Variants in TGFA observed in about 807,000 individuals in gnomAD.
TGFA encodes the protein protransforming growth factor alpha.
In TGFA, 12 loss-of-function variants were observed where a neutral mutation model predicts 21.7. That is an observed-to-expected ratio of 0.55 (90% CI 0.35 to 0.90). The LOEUF (loss-of-function observed/expected upper bound fraction) is 0.90, where lower values mean the gene tolerates loss of function less well. Among genes scored for constraint, TGFA ranks in the 40% least tolerant of loss-of-function variants. The pLI is 0.01. For synonymous variants in TGFA, 79 were observed against 88.1 expected (o/e 0.90, Z 0.58); for missense variants, 178 against 210.8 (o/e 0.84, Z 0.96).
intron 1 of TGFA, among the ~76,000 whole-genome samples, chr2:70,529,858 C>T (rs1012610746): frequency 8.5e-5 from 13 of 152,180 alleles, no homozygotes; most frequent in African/African-American, 3.1e-4. Context: ...GGGGTGAGAT[C>T]ACTGCAGAAG....
At chr2:70,544,290 T>A (rs1405521519) in intron 1 of TGFA, among the ~76,000 whole-genome samples, 1 of 151,592 alleles carries the variant, frequency 6.6e-6, no homozygotes, top group Non-Finnish European at 1.5e-5. Flanking sequence ...TAAGAAGAGA[T>A]TCAAATATTA....
chr2:70,517,814 C>A (rs938018356), intron 1 of TGFA, among the ~76,000 whole-genome samples: 13 of 152,366 alleles, frequency 8.5e-5, no homozygotes, highest in African/African-American at 3.1e-4. Context: ...GCGGCTGAGC[C>A]TTGATCCGTC....
chr2:70,456,369 GC>G lies in TGFA; in HGVS notation c.334del (p.Ala112LeufsTer9). On this transcript the variant is annotated frameshift_variant, in exon 4 of 6. Coordinates refer to ENST00000295400, the MANE Select transcript of TGFA (RefSeq NM_003236.4). LOFTEE classifies it high-confidence loss of function. ...ALVVVSIVAL[A>X]VLIITCVLIH... ...CAGCACACATGTGATGATAAGGACA[GC>G]CAGGGCCACGATGGAGACCACCACC... is the stretch of plus-strand genomic sequence containing the variant. 1 of 1,566,168 alleles carries G rather than the reference GC, an allele frequency of 6.4e-7. No individual in the cohort carries two copies. The highest frequency in any genetic ancestry group is 1.2e-5 in the South Asian group (1 of 84,866).
In TGFA at chr2:70,458,373, C is replaced by A. The variant is rs535525466; in HGVS notation, c.216-1885G>T. Among the ~76,000 whole-genome samples, 8 of 152,264 alleles carry A rather than the reference C, an allele frequency of 5.3e-5. No individual in the cohort carries two copies. The South Asian group carries it at 1.2e-3, about 24-fold the overall frequency. On this transcript the variant is annotated intron_variant, in intron 3 of 5. Coordinates refer to ENST00000295400, the MANE Select transcript of TGFA (RefSeq NM_003236.4). ...GGCTCTCCAACCTTCCAGATGGGGT[C>A]CCTGAATCGTGCACTTCCTCTGTGA...
In TGFA at chr2:70,553,783, G is replaced by A; in HGVS notation, c.-16C>T. On this transcript the variant is annotated 5_prime_UTR_variant, in exon 1 of 6. Coordinates refer to ENST00000295400, the MANE Select transcript of TGFA (RefSeq NM_003236.4). Reference sequence around the variant, plus strand: ...AGGGGACCATTTTACGGGCGGGCGGGCAGCAGGCTCTCCAGCCTCCTGCCC... The same window carrying A: ...AGGGGACCATTTTACGGGCGGGCGGACAGCAGGCTCTCCAGCCTCCTGCCC... 1.6e-6 allele frequency: 2 copies of A among 1,275,284 alleles called. No homozygotes were observed. Among genetic ancestry groups the A allele is most frequent in the Non-Finnish European group, 2.0e-6 (2 of 1,003,902 alleles). 79.0% of individuals were successfully genotyped at this position (1,275,284 alleles called of 1,614,324 possible).
chr2:70,504,185 G>A (rs1671828627), intron 2 of TGFA, among the ~76,000 whole-genome samples: 1 of 151,808 alleles, frequency 6.6e-6, no homozygotes, highest in African/African-American at 2.4e-5. Flanking sequence ...GCCGAGGTGG[G>A]TGGATCACTT....
chr2:70,458,341 C>T (rs114115415), intron 3 of TGFA, among the ~76,000 whole-genome samples: 2,767 of 152,208 alleles, frequency 0.018, 93 homozygotes, highest in African/African-American at 0.064. Context: ...CTCTCCTGCA[C>T]CCAGATGGCT....
At chr2:70,462,317 C>T (rs1553491551) in intron 3 of TGFA, among the ~76,000 whole-genome samples, 2 of 152,206 alleles carry the variant, frequency 1.3e-5, no homozygotes, top group Non-Finnish European at 1.5e-5. Flanking sequence ...AGCTCACAAG[C>T]CATCAGGGGG....
intron 2 of TGFA, among the ~76,000 whole-genome samples, chr2:70,514,174 C>T (rs1672190999): frequency 6.6e-6 from 1 of 152,164 alleles, no homozygotes; most frequent in Admixed American, 6.5e-5. Flanking sequence ...TCAAGACTTT[C>T]CAGCAACATG....
intron 3 of TGFA, among the ~76,000 whole-genome samples, chr2:70,464,463 G>T (rs1238379626): frequency 6.6e-6 from 1 of 152,106 alleles, no homozygotes; most frequent in Non-Finnish European, 1.5e-5. Context: ...TTAACTGGGG[G>T]GCAATTTTGC....
chr2:70,499,573 T>G (rs1671677724), intron 2 of TGFA, among the ~76,000 whole-genome samples: 1 of 152,258 alleles, frequency 6.6e-6, no homozygotes, highest in Non-Finnish European at 1.5e-5. Flanking sequence ...TGGTCCACAC[T>G]TTTAGAAGTA....
chr2:70,504,433 A>AATATATATATATATAT (rs200901290), intron 2 of TGFA, among the ~76,000 whole-genome samples: 1,176 of 62,030 alleles, frequency 0.019, 19 homozygotes, highest in Non-Finnish European at 0.025. Context: ...AAACAAAACA[A>AATATATATATATATAT]ATATATATAT....
chr2:70,486,416 A>G (rs1671272823), intron 2 of TGFA, among the ~76,000 whole-genome samples: 2 of 152,058 alleles, frequency 1.3e-5, no homozygotes, highest in Admixed American at 6.5e-5. Flanking sequence ...TTGCAACAAG[A>G]TCCTTATAAT....
intron 1 of TGFA, among the ~76,000 whole-genome samples, chr2:70,522,772 T>C (rs945235996): frequency 2.6e-5 from 4 of 152,312 alleles, no homozygotes; most frequent in Non-Finnish European, 5.9e-5. Flanking sequence ...GTTACTTAAG[T>C]AGACGTGGGC....
intron 1 of TGFA, among the ~76,000 whole-genome samples, chr2:70,517,822 G>T (rs547858036): frequency 3.9e-5 from 6 of 152,352 alleles, no homozygotes; most frequent in African/African-American, 1.4e-4. Context: ...GCCTTGATCC[G>T]TCTCTCCCTG....
chr2:70,458,552 G>C (rs1445537976), intron 3 of TGFA, among the ~76,000 whole-genome samples: 1 of 152,120 alleles, frequency 6.6e-6, no homozygotes, highest in Non-Finnish European at 1.5e-5. Flanking sequence ...AGCATGTGGG[G>C]ACTCAGGACA....
intron 1 of TGFA, among the ~76,000 whole-genome samples, chr2:70,544,865 G>A (rs1236554828): frequency 6.6e-6 from 1 of 152,124 alleles, no homozygotes; most frequent in Non-Finnish European, 1.5e-5. Context: ...GGTTACCAGA[G>A]GCTAGAAAGG....
At chr2:70,521,617 G>GTTTTTTTTTTTTTTTTTTTTT (rs35177436) in intron 1 of TGFA, among the ~76,000 whole-genome samples, 24 of 87,096 alleles carry the variant, frequency 2.8e-4, no homozygotes, top group Non-Finnish European at 3.5e-4. Context: ...TTGTTTGTTT[G>GTTTTTTTTTTTTTTTTTTTTT]TTTTTTTTTT....
intron 2 of TGFA, among the ~76,000 whole-genome samples, chr2:70,500,654 C>T (rs1671712083): frequency 6.6e-6 from 1 of 152,156 alleles, no homozygotes; most frequent in African/African-American, 2.4e-5. Flanking sequence ...CAACTCAGCT[C>T]CTTCTCCCAG....
Sources: allele counts gnomAD v4.1 joint callset (sites outside exome capture counted in the v4.1 genomes callset), GRCh38; gene constraint gnomAD v4.1.1; transcripts MANE v1.5; gene names NCBI Gene and HGNC (gene_info 2026-07-23, HGNC 2026-07-21).